CYSLTR1: variants seen among roughly 807,000 people sequenced by gnomAD.
CYSLTR1 encodes cysteinyl leukotriene receptor 1.
In CYSLTR1, 1 loss-of-function variant was observed where a neutral mutation model predicts 2.1. The ratio of observed to expected loss-of-function variants is 0.48; its 90% confidence interval spans 0.17 to 2.28. The LOEUF (loss-of-function observed/expected upper bound fraction) is 2.28. Among genes scored for constraint, CYSLTR1 ranks in the 30% most tolerant of loss-of-function variants. The pLI is 0.26. For missense variants in CYSLTR1, 299 were observed against 250.1 expected (o/e 1.20, Z -1.32); for synonymous variants, 110 against 89.6 (o/e 1.23, Z -1.28).
intron 1 of CYSLTR1, among the ~76,000 whole-genome samples, chrX:78,316,945 A>T (rs1923441592): frequency 1.8e-5 from 2 of 112,093 alleles, no homozygotes; most frequent in South Asian, 7.3e-4. Flanking sequence ...ATGACCAAGA[A>T]CCCAAAAGCA....
chrX:78,291,124 A>G (rs1204527805), intron 1 of CYSLTR1, among the ~76,000 whole-genome samples: 6 of 111,809 alleles, frequency 5.4e-5, no homozygotes, highest in Admixed American at 3.8e-4. Flanking sequence ...ATTTTGAGAT[A>G]CATCCCATCA....
intron 1 of CYSLTR1, among the ~76,000 whole-genome samples, chrX:78,289,739 C>T (rs1262081001): frequency 8.9e-6 from 1 of 112,365 alleles, no homozygotes; most frequent in East Asian, 2.8e-4. Context: ...TTTCATGTGT[C>T]TGTTGGCTGC....
intron 1 of CYSLTR1, among the ~76,000 whole-genome samples, chrX:78,326,916 A>G (rs1923880047): frequency 8.9e-6 from 1 of 112,029 alleles, no homozygotes; most frequent in African/African-American, 3.2e-5. Flanking sequence ...ACCTTCAGTA[A>G]TTACTACATA....
intron 1 of CYSLTR1, among the ~76,000 whole-genome samples, chrX:78,292,190 A>G (rs1922367891): frequency 8.9e-6 from 1 of 112,155 alleles, no homozygotes; most frequent in Non-Finnish European, 1.9e-5. Context: ...ATTGGTTTCA[A>G]AGAACATCTT....
At chrX:78,313,255 A>C (rs1308157185) in intron 1 of CYSLTR1, among the ~76,000 whole-genome samples, 1 of 111,766 alleles carries the variant, frequency 8.9e-6, no homozygotes, top group Non-Finnish European at 1.9e-5. Context: ...AGTGGGAGCT[A>C]AATATTGAAT....
intron 1 of CYSLTR1, among the ~76,000 whole-genome samples, chrX:78,315,002 A>G (rs1365131181): frequency 9.5e-6 from 1 of 104,992 alleles, no homozygotes; most frequent in African/African-American, 3.5e-5. Flanking sequence ...AGTCCAAAAT[A>G]GATGCCTTCC....
intron 1 of CYSLTR1, among the ~76,000 whole-genome samples, chrX:78,288,205 G>GA (rs896884098): frequency 1.7e-4 from 18 of 105,635 alleles, no homozygotes; most frequent in East Asian, 8.8e-4. Flanking sequence ...CTTGTCTCTT[G>GA]AAAAAAAAAA....
At chrX:78,289,053 C>T (rs1471357379) in intron 1 of CYSLTR1, among the ~76,000 whole-genome samples, 2 of 109,760 alleles carry the variant, frequency 1.8e-5, no homozygotes, top group Non-Finnish European at 3.8e-5. Context: ...CATGTTGGTT[C>T]GCTGCACCCA....
At chrX:78,296,776 C>CA (rs1922592660) in intron 1 of CYSLTR1, among the ~76,000 whole-genome samples, 1 of 111,591 alleles carries the variant, frequency 9.0e-6, no homozygotes, top group Admixed American at 9.5e-5. Context: ...TTTTTCAGTT[C>CA]TAATGATTTT....
At chrX:78,274,271 A>G (rs1034545344) in intron 2 of CYSLTR1, among the ~76,000 whole-genome samples, 1 of 111,542 alleles carries the variant, frequency 9.0e-6, no homozygotes, top group African/African-American at 3.3e-5. Flanking sequence ...ATCCTAAGCC[A>G]AAAGAACAAA....
At chrX:78,319,405 G>A (rs752251541) in intron 1 of CYSLTR1, 1 of 108,799 alleles carries the variant, frequency 9.2e-6, no homozygotes, top group East Asian at 3.0e-4. Context: ...GAGAATGATG[G>A]TTTCCGGCTT....
intron 1 of CYSLTR1, among the ~76,000 whole-genome samples, chrX:78,297,465 G>A (rs897454267): frequency 6.6e-4 from 74 of 111,472 alleles, no homozygotes; most frequent in African/African-American, 2.3e-3. Flanking sequence ...ATTGGTATGA[G>A]TTCTTTAAAT....
At position 78,273,770 on chromosome X, in the gene CYSLTR1, G is replaced by T; in HGVS notation, c.-24C>A. The T allele has an allele frequency of 8.6e-7, 1 of 1,158,790 alleles. No individual in the cohort carries two copies. Among genetic ancestry groups the T allele is most frequent in the Non-Finnish European group, 1.1e-6 (1 of 870,331 alleles). Reference sequence around the variant, plus strand: ...ATGTTTCTCTACGAATGTCTGCTTTGTGCCTATAATAAATAAAAAAAATTG... The same window carrying T: ...ATGTTTCTCTACGAATGTCTGCTTTTTGCCTATAATAAATAAAAAAAATTG... On this transcript the variant is annotated 5_prime_UTR_variant, in exon 3 of 3. Coordinates refer to ENST00000373304, the MANE Select transcript of CYSLTR1 (RefSeq NM_006639.4).
intron 1 of CYSLTR1, among the ~76,000 whole-genome samples, chrX:78,304,415 C>G (rs192794513): frequency 1.1e-3 from 125 of 111,157 alleles, no homozygotes; most frequent in Non-Finnish European, 2.0e-3. Context: ...TTCACTAACT[C>G]AGACCTCCGT....
intron 1 of CYSLTR1, among the ~76,000 whole-genome samples, chrX:78,298,362 A>G (rs1922665526): frequency 9.0e-6 from 1 of 111,719 alleles, no homozygotes. Context: ...TCTTGGATGA[A>G]ATATTCTGTG....
At chrX:78,298,484 A>G (rs1188694965) in intron 1 of CYSLTR1, among the ~76,000 whole-genome samples, 1 of 111,323 alleles carries the variant, frequency 9.0e-6, no homozygotes, top group African/African-American at 3.3e-5. Context: ...GAAGTCTCCA[A>G]TAATTATTGT....
Position 78,272,677 on chromosome X carries a change from C to T in CYSLTR1, c.*56G>A. On this transcript the variant is annotated 3_prime_UTR_variant, in exon 3 of 3. Transcript: ENST00000373304. ...TTTATTTTTTTTGTAAATGATTTGACAAAATACTTATTTGGGAAACTATTT... is the reference window on the plus strand; with the variant it reads ...TTTATTTTTTTTGTAAATGATTTGATAAAATACTTATTTGGGAAACTATTT... 1 of 1,036,521 alleles carries T rather than the reference C, an allele frequency of 9.6e-7. No individual in the cohort carries two copies. Among genetic ancestry groups the T allele is most frequent in the Non-Finnish European group, 1.3e-6 (1 of 790,696 alleles). 85.4% of individuals were successfully genotyped at this position (1,036,521 alleles called of 1,213,427 possible).
chrX:78,298,918 T>C (rs748327763), intron 1 of CYSLTR1, among the ~76,000 whole-genome samples: 2 of 111,098 alleles, frequency 1.8e-5, no homozygotes, highest in South Asian at 7.6e-4. Flanking sequence ...CATCTTGTTA[T>C]TTGTTTTCTG....
intron 1 of CYSLTR1, among the ~76,000 whole-genome samples, chrX:78,292,320 TG>T (rs1429937091): frequency 2.7e-5 from 3 of 112,433 alleles, no homozygotes; most frequent in African/African-American, 9.7e-5. Flanking sequence ...TTGATTGCAC[TG>T]TTGTCTGAGA....
Sources: allele counts gnomAD v4.1 joint callset (sites outside exome capture counted in the v4.1 genomes callset), GRCh38; gene constraint gnomAD v4.1.1; transcripts MANE v1.5; gene names NCBI Gene and HGNC (gene_info 2026-07-23, HGNC 2026-07-21).